Variants in PCDHGA12 observed in about 807,000 individuals in gnomAD.
The protein encoded by PCDHGA12 is protocadherin gamma subfamily A, 12.
PCDHGA12 carries 43 observed loss-of-function variants against 61.1 expected under a neutral mutation model. The ratio of observed to expected loss-of-function variants is 0.70; its 90% CI spans 0.55 to 0.91. The LOEUF is 0.91. Among genes scored for constraint, PCDHGA12 ranks in the 40% least tolerant of loss-of-function variants. The pLI is 0.00. For missense variants in PCDHGA12, 1,236 were observed against 1,227.7 expected, an observed-to-expected ratio of 1.01 and a Z score of -0.10; for synonymous variants, 520 against 542.9, an observed-to-expected ratio of 0.96 and a Z score of 0.59.
At position 141,433,091 on chromosome 5, in the gene PCDHGA12, A is replaced by C; in HGVS notation, c.2332A>C (p.Met778Leu). The C allele has an allele frequency of 6.2e-7, 1 of 1,614,182 alleles. No individual in the cohort carries two copies. The highest frequency in any genetic ancestry group is 8.5e-7 in the Non-Finnish European group (1 of 1,180,020). ...CTTCCCCCAGCCCAACTATGCAGAC[A>C]TGCTCGTCAGCCAGGAGAGCTTTGA... The part of the protein sequence containing the change: ...LIFPQPNYAD[M>L]LVSQESFEKS... Residue 778 changes from methionine (M) to leucine (L), a missense_variant, in exon 1 of 4, where the codon ATG becomes CTG. Coordinates refer to ENST00000252085, the MANE Select transcript of PCDHGA12 (RefSeq NM_003735.3).
Position 141,491,905 on chromosome 5 carries a change from G to A in PCDHGA12, c.2425-2902G>A. 7.1e-7 allele frequency: 1 copy of A among 1,418,328 alleles called. No individual in the cohort carries two copies. Among genetic ancestry groups the A allele is most frequent in the Non-Finnish European group, 9.3e-7 (1 of 1,069,952 alleles). 87.9% of individuals were successfully genotyped at this position (1,418,328 alleles called of 1,614,324 possible). ...GATGGGGCTCCGAGCACCGGGGGTG[G>A]TGGCGACTGTGGGCGAGGGGAGGTG... On this transcript the variant is annotated intron_variant, in intron 1 of 3. Transcript: ENST00000252085. This position sits in a 1 kb window ranked among gnomAD's most constrained non-coding sequence, Gnocchi z 6.9.
chr5:141,488,222 G>A (rs1351438124), intron 1 of PCDHGA12, among the ~76,000 whole-genome samples: 1 of 152,104 alleles, frequency 6.6e-6, no homozygotes, highest in Admixed American at 6.5e-5. Flanking sequence ...TCCCTACTGG[G>A]GATTTGAACT....
chr5:141,489,447 G>A lies in PCDHGA12; in HGVS notation c.2425-5360G>A. The A allele has an allele frequency of 5.6e-6, 9 of 1,614,134 alleles. No homozygotes were observed. The highest frequency in any genetic ancestry group is 7.6e-6 in the Non-Finnish European group (9 of 1,180,028). ...GCCGGCGGCTGCAATTGGGCTCTGA[G>A]GAGAATGGGCGCTATTTTTCCCTGA... On this transcript the variant is annotated intron_variant, in intron 1 of 3. Coordinates refer to ENST00000252085, the MANE Select transcript of PCDHGA12 (RefSeq NM_003735.3). This position sits in a 1 kb window ranked among gnomAD's most constrained non-coding sequence, Gnocchi z 4.5.
At chr5:141,447,649 T>C (rs909020761) in intron 1 of PCDHGA12, among the ~76,000 whole-genome samples, 1 of 152,206 alleles carries the variant, frequency 6.6e-6, no homozygotes, top group Non-Finnish European at 1.5e-5. Context: ...TGGTAGAATT[T>C]TCCCCCCCAG....
At chr5:141,502,542 A>G (rs2099814957) in intron 2 of PCDHGA12, among the ~76,000 whole-genome samples, 1 of 152,216 alleles carries the variant, frequency 6.6e-6, no homozygotes, top group Admixed American at 6.5e-5. Context: ...TTCGTGTGGT[A>G]AAAACAGTGT....
intron 1 of PCDHGA12, among the ~76,000 whole-genome samples, chr5:141,464,442 G>A (rs890758574): frequency 3.3e-5 from 5 of 151,500 alleles, no homozygotes; most frequent in African/African-American, 1.2e-4. Flanking sequence ...TATGTTTGTT[G>A]TTGTTGTTGT....
At chr5:141,483,955 G>A (rs1244162791) in intron 1 of PCDHGA12, among the ~76,000 whole-genome samples, 1 of 144,218 alleles carries the variant, frequency 6.9e-6, no homozygotes, top group African/African-American at 2.6e-5. Flanking sequence ...ATTGTGTTGT[G>A]TTTCTGTGCT....
Position 141,487,399 on chromosome 5 carries a change from G to A in PCDHGA12, c.2425-7408G>A. 1.2e-6 allele frequency: 2 copies of A among 1,614,140 alleles called. No homozygotes were observed. Among genetic ancestry groups the A allele is most frequent in the South Asian group, 1.1e-5 (1 of 91,088 alleles). On this transcript the variant is annotated intron_variant, in intron 1 of 3. Coordinates refer to ENST00000252085, the MANE Select transcript of PCDHGA12 (RefSeq NM_003735.3). The surrounding 1 kb of genome is among the most constrained non-coding windows in gnomAD (Gnocchi z 5.0). ...TCACCAGATCTCGAAGGAGGGAGGGGCTTCCCCCTTCCAATGGGATCCTCC... is the reference window on the plus strand; with the variant it reads ...TCACCAGATCTCGAAGGAGGGAGGGACTTCCCCCTTCCAATGGGATCCTCC...
intron 1 of PCDHGA12, chr5:141,475,890 G>C: frequency 1.8e-6 from 1 of 565,896 alleles, no homozygotes; most frequent in South Asian, 2.3e-5. Flanking sequence ...CTGGGACTCT[G>C]TGTGCCGCTG....
chr5:141,467,203 C>T (rs896621746), intron 1 of PCDHGA12, among the ~76,000 whole-genome samples: 1 of 152,052 alleles, frequency 6.6e-6, no homozygotes, highest in African/African-American at 2.4e-5. Flanking sequence ...CAGGCACATG[C>T]CACCATGCCT....
At position 141,491,423 on chromosome 5, in the gene PCDHGA12, G is replaced by A; in HGVS notation, c.2425-3384G>A. The A allele has an allele frequency of 3.1e-6, 5 of 1,614,126 alleles. No homozygotes were observed. Among genetic ancestry groups the A allele is most frequent in the Non-Finnish European group, 4.2e-6 (5 of 1,180,036 alleles). ...AACGCAGACGGGGACGGGGGTGGAGGGCAGTGCTGCAGGCGCCAGGACTCA... is the reference window on the plus strand; with the variant it reads ...AACGCAGACGGGGACGGGGGTGGAGAGCAGTGCTGCAGGCGCCAGGACTCA... On this transcript the variant is annotated intron_variant, in intron 1 of 3. Transcript: ENST00000252085. The surrounding 1 kb of genome is among the most constrained non-coding windows in gnomAD (Gnocchi z 6.9).
At chr5:141,455,874 T>C (rs2098834969) in intron 1 of PCDHGA12, among the ~76,000 whole-genome samples, 1 of 146,458 alleles carries the variant, frequency 6.8e-6, no homozygotes, top group South Asian at 2.1e-4. Flanking sequence ...TTTATTTATT[T>C]ATTTATTTAT....
At chr5:141,479,505 G>A (rs2099498324) in intron 1 of PCDHGA12, 1 of 152,262 alleles carries the variant, frequency 6.6e-6, no homozygotes, top group African/African-American at 2.4e-5. Flanking sequence ...CCTAAAGAGG[G>A]GTGAACTGGC....
intron 1 of PCDHGA12, among the ~76,000 whole-genome samples, chr5:141,474,075 C>T (rs2099339724): frequency 6.6e-6 from 1 of 151,902 alleles, no homozygotes; most frequent in African/African-American, 2.4e-5. Flanking sequence ...GCCTCAGAAA[C>T]AAAAACCAAA....
intron 3 of PCDHGA12, 59 bp from the exon 4 acceptor site, chr5:141,510,888 A>C (rs2099883233): frequency 6.2e-7 from 1 of 1,612,646 alleles, no homozygotes. Flanking sequence ...GGGATATAAG[A>C]CAGTGACTGT....
At position 141,486,530 on chromosome 5, in the gene PCDHGA12, C is replaced by T; in HGVS notation, c.2425-8277C>T. 6.2e-7 allele frequency: 1 copy of T among 1,614,174 alleles called. No homozygotes were observed. The highest frequency in any genetic ancestry group is 8.5e-7 in the Non-Finnish European group (1 of 1,180,022). On this transcript the variant is annotated intron_variant, in intron 1 of 3. Transcript: ENST00000252085. The surrounding 1 kb of genome is among the most constrained non-coding windows in gnomAD (Gnocchi z 5.0). Reference sequence around the variant, plus strand: ...TATTTCAGATGTGAATGATAATCCACCCTCTTTCTTTCAGAGGTCACATGA... The same window carrying T: ...TATTTCAGATGTGAATGATAATCCATCCTCTTTCTTTCAGAGGTCACATGA...
intron 1 of PCDHGA12, among the ~76,000 whole-genome samples, chr5:141,466,035 C>T (rs10054619): frequency 0.28 from 42,092 of 151,762 alleles, 6,545 homozygotes; most frequent in African/African-American, 0.42. Flanking sequence ...GGCAGGAGAA[C>T]GGCATGAACC....
chr5:141,440,373 G>A (rs866892003), intron 1 of PCDHGA12: 2 of 152,214 alleles, frequency 1.3e-5, no homozygotes, highest in Non-Finnish European at 2.9e-5. Context: ...GGCCGAGGCA[G>A]GAGAATCGCT....
chr5:141,499,731 C>T (rs2099794093), intron 2 of PCDHGA12, among the ~76,000 whole-genome samples: 1 of 138,132 alleles, frequency 7.2e-6, no homozygotes, highest in African/African-American at 2.7e-5. Context: ...GTCTCACTCT[C>T]TTGCCCAGGC....
Sources: gnomAD v4.1 joint callset for allele counts (sites outside exome capture counted in the v4.1 genomes callset) on GRCh38, gnomAD v4.1.1 for gene constraint, Gnocchi (gnomAD v3.1) non-coding constraint, MANE v1.5 for transcripts, NCBI Gene and HGNC (gene_info 2026-07-23, HGNC 2026-07-21) for gene names.